MED12L: variants seen among roughly 807,000 people sequenced by gnomAD.
MED12L encodes mediator complex subunit 12L.
In MED12L, 60 loss-of-function variants were observed where a neutral mutation model predicts 281.3. That is an observed-to-expected ratio of 0.21 (90% CI 0.17 to 0.26). The LOEUF (loss-of-function observed/expected upper bound fraction) is 0.26, where lower values mean the gene tolerates loss of function less well. MED12L is among the 10% of genes least tolerant of loss of function. The pLI is 1.00. For synonymous variants in MED12L, 974 were observed against 987.2 expected, an observed-to-expected ratio of 0.99 and a Z score of 0.25; for missense variants, 2,146 against 2,680.9, an observed-to-expected ratio of 0.80 and a Z score of 4.41.
chr3:151,342,028 C>T (rs1211779951), intron 16 of MED12L, among the ~76,000 whole-genome samples: 1 of 152,126 alleles, frequency 6.6e-6, no homozygotes, highest in African/African-American at 2.4e-5. Flanking sequence ...AATAGTGCCG[C>T]AATAAACATA....
chr3:151,398,382 C>G (rs994873845), intron 39 of MED12L, among the ~76,000 whole-genome samples: 1 of 152,196 alleles, frequency 6.6e-6, no homozygotes, highest in South Asian at 2.1e-4. Flanking sequence ...ATCCAGCCTT[C>G]AGTGATACAC....
intron 4 of MED12L, 150 bp from the exon 5 acceptor site, chr3:151,127,675 T>G (rs559643677): frequency 7.2e-5 from 40 of 553,264 alleles, no homozygotes; most frequent in Middle Eastern, 9.7e-4. Context: ...AAAAACTACA[T>G]GCACTATTTG....
intron 16 of MED12L, among the ~76,000 whole-genome samples, chr3:151,203,539 A>G (rs1576960143): frequency 6.6e-6 from 1 of 151,998 alleles, no homozygotes; most frequent in Non-Finnish European, 1.5e-5. Flanking sequence ...TTTTTTCAGT[A>G]TATATAGTAA....
intron 39 of MED12L, 92 bp from the exon 40 acceptor site, chr3:151,409,151 G>T: frequency 1.1e-6 from 1 of 884,460 alleles, no homozygotes; most frequent in Non-Finnish European, 1.8e-6. Flanking sequence ...CATGTAATGA[G>T]ATTAGATGTG....
intron 2 of MED12L, among the ~76,000 whole-genome samples, chr3:151,104,317 A>G (rs1385733657): frequency 2.6e-5 from 4 of 152,226 alleles, no homozygotes; most frequent in African/African-American, 9.6e-5. Flanking sequence ...GGCCCTCTTC[A>G]GGAGGCTGGT....
intron 8 of MED12L, among the ~76,000 whole-genome samples, chr3:151,161,360 C>T (rs1192208996): frequency 2.0e-5 from 3 of 152,286 alleles, no homozygotes; most frequent in South Asian, 2.1e-4. Context: ...GATTCGAATC[C>T]TTCAAGAACT....
intron 16 of MED12L, chr3:151,199,127 C>G: frequency 6.2e-7 from 1 of 1,614,016 alleles, no homozygotes; most frequent in Non-Finnish European, 8.5e-7. Flanking sequence ...TGTTACTTGG[C>G]AGTGGAATAT....
At chr3:151,191,039 T>A in intron 14 of MED12L, 108 bp downstream of exon 14, 5 of 954,156 alleles carry the variant, frequency 5.2e-6, no homozygotes, top group Non-Finnish European at 7.8e-6. Context: ...TTTGTTGTAT[T>A]CTTTTGCCCC....
At chr3:151,366,505 A>C (rs1755290575) in intron 23 of MED12L, among the ~76,000 whole-genome samples, 1 of 152,212 alleles carries the variant, frequency 6.6e-6, no homozygotes, top group Non-Finnish European at 1.5e-5. Flanking sequence ...GATGATGAAA[A>C]GATACCCCTT....
chr3:151,159,477 C>G (rs899572010), intron 7 of MED12L, among the ~76,000 whole-genome samples: 2 of 152,164 alleles, frequency 1.3e-5, no homozygotes, highest in African/African-American at 2.4e-5. Flanking sequence ...GTGACCAGTC[C>G]AAATTGATGT....
intron 5 of MED12L, among the ~76,000 whole-genome samples, chr3:151,130,320 C>G (rs1325585537): frequency 1.3e-5 from 2 of 152,168 alleles, no homozygotes; most frequent in Admixed American, 1.3e-4. Flanking sequence ...ATCTTTCTCT[C>G]AAAATCCTAC....
chr3:151,338,926 T>C lies in MED12L; in HGVS notation c.2251-11133T>C, dbSNP rs551663258. On this transcript the variant is annotated intron_variant, in intron 16 of 44. Coordinates refer to ENST00000687756, the MANE Select transcript of MED12L (RefSeq NM_001393769.1). ...AGTTATTATTGCTGTTATCTCTGTG[T>C]GTAACTTTTTTGGACACAGCCTCCT... The C allele has an allele frequency of 4.3e-5, 62 of 1,453,458 alleles. 3 individuals are homozygous for C. The highest frequency in any genetic ancestry group is 2.7e-4 in the Admixed American group (15 of 55,004). 90.0% of individuals were successfully genotyped at this position (1,453,458 alleles called of 1,614,324 possible). A position where few individuals can be genotyped will look rare whatever the true frequency, so the allele number is the denominator to read the frequency against.
At position 151,275,700 on chromosome 3, in the gene MED12L, G is replaced by A. The variant is rs143240799; in HGVS notation, c.2251-74359G>A. ...GCTAGGGAGGAAAAGAAAATTCCCT[G>A]TAAAGAAGAACCAGAAAATTTAGTA... On this transcript the variant is annotated intron_variant, in intron 16 of 44. Transcript: ENST00000687756. 5.0e-3 allele frequency among the ~76,000 whole-genome samples: 768 copies of A among 152,236 alleles called. 12 individuals carry two copies. The highest frequency in any genetic ancestry group is 0.017 in the African/African-American group (716 of 41,546).
chr3:151,123,479 C>CT (rs1046161901), intron 4 of MED12L, among the ~76,000 whole-genome samples: 4 of 152,074 alleles, frequency 2.6e-5, no homozygotes, highest in Admixed American at 6.6e-5. Flanking sequence ...TAGCTTCTAG[C>CT]TTTTTTTATA....
At chr3:151,235,490 G>C (rs1469160932) in intron 16 of MED12L, among the ~76,000 whole-genome samples, 1 of 152,134 alleles carries the variant, frequency 6.6e-6, no homozygotes, top group Non-Finnish European at 1.5e-5. Context: ...CAGATCATGA[G>C]GTCAGGAGAT....
rs372420312 is a variant in MED12L at position 151,416,430 on chromosome 3, C to T, written c.6408+8C>T. On this transcript the variant is annotated splice_region_variant and intron_variant, in intron 43 of 44. Coordinates refer to ENST00000687756, the MANE Select transcript of MED12L (RefSeq NM_001393769.1). ...CAGCCCCAGCAGCCCTTGGTAAGGC[C>T]TGTTGTTTTGGAATCAGACATGTGG... is the stretch of plus-strand genomic sequence containing the variant. The T allele has an allele frequency of 2.5e-6, 4 of 1,613,096 alleles. No homozygotes were observed. In the African/African-American group the frequency reaches 4.0e-5, roughly 16 times the overall value.
intron 16 of MED12L, chr3:151,198,697 C>T (rs201237523): frequency 1.9e-5 from 31 of 1,613,912 alleles, no homozygotes; most frequent in Admixed American, 1.3e-4. Context: ...TGATGTAGCC[C>T]GTGGTCACTA....
chr3:151,235,253 T>C (rs903747810), intron 16 of MED12L, among the ~76,000 whole-genome samples: 1 of 152,190 alleles, frequency 6.6e-6, no homozygotes, highest in African/African-American at 2.4e-5. Context: ...TCTCATTAAA[T>C]TGTGAAAGAT....
Position 151,214,169 on chromosome 3 carries a change from C to A in MED12L, c.2250+20503C>A, listed in dbSNP as rs1443167404. 1 of 1,614,054 alleles carries A rather than the reference C, an allele frequency of 6.2e-7. No individual in the cohort carries two copies. The highest frequency in any genetic ancestry group is 1.7e-5 in the Admixed American group (1 of 60,018). On this transcript the variant is annotated intron_variant, in intron 16 of 44. Coordinates refer to ENST00000687756, the MANE Select transcript of MED12L (RefSeq NM_001393769.1). Reference sequence around the variant, plus strand: ...ATGATGAAACTCTTAGAGCTGGGCACGTAAAAGAATATCCATCCTGACACT... The same window carrying A: ...ATGATGAAACTCTTAGAGCTGGGCAAGTAAAAGAATATCCATCCTGACACT...
Sources: gnomAD v4.1 joint callset for allele counts (sites outside exome capture counted in the v4.1 genomes callset) on GRCh38, gnomAD v4.1.1 for gene constraint, MANE v1.5 for transcripts, NCBI Gene and HGNC (gene_info 2026-07-23, HGNC 2026-07-21) for gene names.